Variants in EIF4B observed in about 807,000 individuals in gnomAD.
EIF4B encodes eukaryotic translation initiation factor 4B.
EIF4B carries 8 observed loss-of-function variants against 79.3 expected under a neutral mutation model. The ratio of observed to expected loss-of-function variants is 0.10; its 90% confidence interval spans 0.06 to 0.18. EIF4B has a LOEUF of 0.18. Ranked by LOEUF, EIF4B falls within the 10% of genes least tolerant of loss-of-function variation. EIF4B has a pLI of 1.00. For synonymous variants in EIF4B, 238 were observed against 274.7 expected (o/e 0.87, Z 1.32); for missense variants, 515 against 792.4 (o/e 0.65, Z 4.20).
intron 6 of EIF4B, 112 bp from the exon 7 acceptor site, chr12:53,027,670 C>A: frequency 7.0e-7 from 1 of 1,434,160 alleles, no homozygotes; most frequent in Non-Finnish European, 9.2e-7. Context: ...TTGAAGAAAT[C>A]AGATAGAAAA....
At chr12:53,025,560 T>C (rs1386249397) in intron 6 of EIF4B, among the ~76,000 whole-genome samples, 2 of 152,206 alleles carry the variant, frequency 1.3e-5, no homozygotes, top group South Asian at 2.1e-4. Flanking sequence ...CACAAGCTTA[T>C]CATAATTTCA....
chr12:53,027,605 A>G (rs530795908), intron 6 of EIF4B, among the ~76,000 whole-genome samples, 177 bp from the exon 7 acceptor site: 1 of 152,194 alleles, frequency 6.6e-6, no homozygotes, highest in Non-Finnish European at 1.5e-5. Context: ...TTAATTTCCA[A>G]CCCACCCTTC....
Position 53,034,652 on chromosome 12 carries a change from C to A in EIF4B, c.1249C>A (p.Arg417=). ...AAGTGAAGAAACTCAGGAACGGGAA[C>A]GGTCGAGGACAGGAAGTGAGTCATC... The part of the protein sequence containing the change: ...WRSEETQERE[R]SRTGSESSQT... The change falls in exon 10 of 15, where the codon CGG becomes AGG. Residue 417 remains arginine, a synonymous_variant. Transcript: ENST00000262056. 6.2e-7 allele frequency: 1 copy of A among 1,613,974 alleles called. No homozygotes were observed. The highest frequency in any genetic ancestry group is 8.5e-7 in the Non-Finnish European group (1 of 1,179,878).
At position 53,028,024 on chromosome 12, in the gene EIF4B, C is replaced by A; in HGVS notation, c.815C>A (p.Ser272Tyr). The change falls in exon 8 of 15, where the codon TCC (serine) becomes TAC (tyrosine). Residue 272 changes from serine (S) to tyrosine (Y), a missense_variant. Physicochemically the swap from Ser to Tyr is moderately radical, Grantham distance 144 (BLOSUM62 -2). Transcript: ENST00000262056. ...TGGGATATATTTACAGGCTATGATT[C>A]CCGGATAGGCAGTGGCAGAAGAGCA... The part of the protein sequence containing the change: ...GSRDYDRGYD[S>Y]RIGSGRRAFG... 1 of 1,610,784 alleles carries A rather than the reference C, an allele frequency of 6.2e-7. No individual in the cohort carries two copies. The highest frequency in any genetic ancestry group is 8.5e-7 in the Non-Finnish European group (1 of 1,178,126).
chr12:53,018,020 C>T (rs1943175770), intron 2 of EIF4B, among the ~76,000 whole-genome samples: 1 of 152,202 alleles, frequency 6.6e-6, no homozygotes, highest in Non-Finnish European at 1.5e-5. Flanking sequence ...GATGGAGTCT[C>T]ACTCTGTCGC....
At chr12:53,021,288 A>C (rs1943243739) in intron 4 of EIF4B, among the ~76,000 whole-genome samples, 1 of 152,202 alleles carries the variant, frequency 6.6e-6, no homozygotes, top group African/African-American at 2.4e-5. Flanking sequence ...TAGAGGCTCT[A>C]TAAATGTGTT....
At chr12:53,034,828 A>C in intron 10 of EIF4B, 119 bp downstream of exon 10, 2 of 1,116,394 alleles carry the variant, frequency 1.8e-6, no homozygotes, top group South Asian at 1.4e-5. Context: ...TTTGGGTTGC[A>C]TGGGCCGATT....
At position 53,042,094 on chromosome 12, in the gene EIF4B, T is replaced by C. The variant is rs1230763531; in HGVS notation, c.*1871T>C. ...AAAATTTGTACAAAAATATCTTCTATGAAAATGATTTGTAATCTGTAGACT... is the reference window on the plus strand; with the variant it reads ...AAAATTTGTACAAAAATATCTTCTACGAAAATGATTTGTAATCTGTAGACT... On this transcript the variant is annotated 3_prime_UTR_variant, in exon 15 of 15. Transcript: ENST00000262056. 1.3e-5 allele frequency: 2 copies of C among 152,654 alleles called. No homozygotes were observed. Among genetic ancestry groups the C allele is most frequent in the Non-Finnish European group, 2.9e-5 (2 of 68,042 alleles). The allele number at this position is 152,654 out of a possible 1,614,324, so 9.5% of individuals were successfully genotyped here.
At chr12:53,017,496 G>A (rs923782862) in intron 2 of EIF4B, among the ~76,000 whole-genome samples, 5 of 152,158 alleles carry the variant, frequency 3.3e-5, no homozygotes, top group Admixed American at 6.5e-5. Context: ...TATAATGACC[G>A]GGTATGACAT....
Position 53,028,070 on chromosome 12 carries a change from G to GGAT in EIF4B, c.867_869dup (p.Asp290dup), listed in dbSNP as rs1943370565. Reference sequence around the variant, plus strand: ...GAGCATTTGGCAGTGGGTATCGCAGGGATGATGACTACAGAGGAGGCGGGG... The same window carrying GGAT: ...GAGCATTTGGCAGTGGGTATCGCAGGGATGATGATGACTACAGAGGAGGCGGGG... On this transcript the variant is annotated inframe_insertion, in exon 8 of 15. Transcript: ENST00000262056. 2 of 1,613,960 alleles carry GGAT rather than the reference G, an allele frequency of 1.2e-6. No individual in the cohort carries two copies. The highest frequency in any genetic ancestry group is 1.7e-6 in the Non-Finnish European group (2 of 1,179,942).
chr12:53,038,053 C>T (rs1402395), intron 11 of EIF4B: 221,520 of 263,284 alleles, frequency 0.84, 96,085 homozygotes, highest in Non-Finnish European at 0.93. Flanking sequence ...AACCTGAGAG[C>T]GGAGGTTGCA....
At chr12:53,022,004 G>C in intron 5 of EIF4B, 144 bp downstream of exon 5, 3 of 919,358 alleles carry the variant, frequency 3.3e-6, no homozygotes. Context: ...CCCCACAGGG[G>C]ACTTCTGGCA....
At chr12:53,009,482 G>A (rs1427817697) in intron 1 of EIF4B, among the ~76,000 whole-genome samples, 4 of 143,328 alleles carry the variant, frequency 2.8e-5, no homozygotes, top group Admixed American at 7.3e-5. Context: ...GCGACAGAGC[G>A]AGACTCCGTC....
chr12:53,009,885 A>C (rs1461089070), intron 1 of EIF4B, among the ~76,000 whole-genome samples: 1 of 152,244 alleles, frequency 6.6e-6, no homozygotes, highest in Non-Finnish European at 1.5e-5. Context: ...GGTATATTTC[A>C]TCTCAAAACA....
intron 13 of EIF4B, 134 bp downstream of exon 13, chr12:53,039,477 A>G: frequency 8.1e-7 from 1 of 1,239,204 alleles, no homozygotes; most frequent in South Asian, 1.5e-5. Context: ...TAGACAGTTA[A>G]GATTCTGAAA....
chr12:53,014,096 A>G (rs574330972), intron 1 of EIF4B, among the ~76,000 whole-genome samples: 1 of 152,178 alleles, frequency 6.6e-6, no homozygotes, highest in Non-Finnish European at 1.5e-5. Context: ...CAAAAGGTCA[A>G]AGCTGCAGTG....
intron 1 of EIF4B, among the ~76,000 whole-genome samples, chr12:53,015,285 C>G (rs984466134): frequency 1.3e-5 from 2 of 152,160 alleles, no homozygotes; most frequent in African/African-American, 4.8e-5. Flanking sequence ...ATGAAAAAAA[C>G]TTAGGTTTTA....
intron 8 of EIF4B, among the ~76,000 whole-genome samples, chr12:53,029,936 C>T (rs1943405962): frequency 7.2e-6 from 1 of 138,660 alleles, no homozygotes; most frequent in African/African-American, 2.6e-5. Flanking sequence ...TTAAAAAAAA[C>T]TTAGGCCAGC....
At chr12:53,030,817 C>T (rs1055341457) in intron 8 of EIF4B, among the ~76,000 whole-genome samples, 3 of 152,078 alleles carry the variant, frequency 2.0e-5, no homozygotes, top group Non-Finnish European at 4.4e-5. Context: ...AGGGCTTGTA[C>T]AAGTATTGTT....
Sources: gnomAD v4.1 joint callset for allele counts (sites outside exome capture counted in the v4.1 genomes callset) on GRCh38, gnomAD v4.1.1 for gene constraint, MANE v1.5 for transcripts, NCBI Gene and HGNC (gene_info 2026-07-23, HGNC 2026-07-21) for gene names.